Variants in MAPK8IP1 observed in about 807,000 individuals in gnomAD.
MAPK8IP1 encodes the protein mitogen-activated protein kinase 8 interacting protein 1.
Under a neutral mutation model 72.6 loss-of-function variants are expected in MAPK8IP1, and 17 were observed. The observed-to-expected ratio is 0.23, with a 90% CI of 0.16 to 0.35. The LOEUF (loss-of-function observed/expected upper bound fraction) is 0.35, where lower values mean the gene tolerates loss of function less well. Among genes scored for constraint, MAPK8IP1 ranks in the 10% least tolerant of loss-of-function variants. The probability of loss-of-function intolerance (pLI) is 1.00; values close to 1 mark genes in which losing one functional copy is unlikely to be tolerated. For missense variants in MAPK8IP1, 789 were observed against 1,009.7 expected, an observed-to-expected ratio of 0.78 and a Z score of 2.96; for synonymous variants, 401 against 443.4, an observed-to-expected ratio of 0.90 and a Z score of 1.20.
rs760747348 is a variant in MAPK8IP1, at chr11:45,904,784, G to A, written c.1843G>A (p.Val615Met). ...CTCCAGCTGTGTCCTGGAGATCAGC[G>A]TGCGGGGTGTGAAGATAGGCGTCAA... is the stretch of plus-strand genomic sequence containing the variant. ...PPSSCVLEIS[V>M]RGVKIGVKAD... Residue 615 changes from valine to methionine, a missense_variant, in exon 9 of 12, where the codon GTG becomes ATG. Physicochemically the swap from Val to Met is conservative, Grantham distance 21 (BLOSUM62 1). Around this residue, in one of 4 missense-constraint regions of MAPK8IP1, gnomAD observed 188 missense variants for 293.3 expected, o/e 0.64. Coordinates refer to ENST00000241014, the MANE Select transcript of MAPK8IP1 (RefSeq NM_005456.4). This position sits in a 1 kb window ranked among gnomAD's most constrained non-coding sequence, Gnocchi z 6.4. 56 of 1,613,936 alleles carry A rather than the reference G, an allele frequency of 3.5e-5. No homozygotes were observed. Among genetic ancestry groups the A allele is most frequent in the Admixed American group, 3.2e-4 (19 of 60,000 alleles).
At chr11:45,898,390 T>C (rs2086623878) in intron 2 of MAPK8IP1, among the ~76,000 whole-genome samples, 200 bp downstream of exon 2, 1 of 152,182 alleles carries the variant, frequency 6.6e-6, no homozygotes, top group Non-Finnish European at 1.5e-5. Context: ...ATTATTATTA[T>C]TATTACTGCT....
At chr11:45,894,885 G>A (rs35389927) in intron 1 of MAPK8IP1, among the ~76,000 whole-genome samples, 27,292 of 152,206 alleles carry the variant, frequency 0.18, 2,903 homozygotes, top group Non-Finnish European at 0.23. Context: ...GGCTGGCCCT[G>A]TCTGCTGCAC....
At position 45,900,142 on chromosome 11, in the gene MAPK8IP1, C is replaced by T; in HGVS notation, c.212C>T (p.Pro71Leu). The change falls in exon 3 of 12, where the codon CCG becomes CTG. Residue 71 changes from proline to leucine, a missense_variant. Physicochemically the swap from Pro to Leu is moderately conservative, Grantham distance 98 (BLOSUM62 -3). Transcript: ENST00000241014. This position sits in a 1 kb window ranked among gnomAD's most constrained non-coding sequence, Gnocchi z 6.5. ...QCKDTLSLRP[P>L]RAGLLSAGGG... ...GCCCCTCCGTGCGCTGTGCAGCCCCCGCGCGCCGGGCTGCTCTCTGCGGGC... is the reference window on the plus strand; with the variant it reads ...GCCCCTCCGTGCGCTGTGCAGCCCCTGCGCGCCGGGCTGCTCTCTGCGGGC... 1.6e-6 allele frequency: 2 copies of T among 1,277,192 alleles called. No individual in the cohort carries two copies. The highest frequency in any genetic ancestry group is 2.6e-5 in the South Asian group (1 of 38,390). The allele number at this position is 1,277,192 out of a possible 1,614,324, so 79.1% of individuals were successfully genotyped here. A position where few individuals can be genotyped will look rare whatever the true frequency, so the allele number is the denominator to read the frequency against.
rs552811406 is a variant in MAPK8IP1, at chr11:45,885,852, G to A, written c.32G>A (p.Gly11Glu). 3.4e-6 allele frequency: 5 copies of A among 1,450,154 alleles called. No homozygotes were observed. The highest frequency in any genetic ancestry group is 1.5e-5 in the African/African-American group (1 of 68,122). 89.8% of individuals were successfully genotyped at this position (1,450,154 alleles called of 1,614,324 possible). Residue 11 changes from glycine to glutamate, a missense_variant, in exon 1 of 12, where the codon GGG becomes GAG. Coordinates refer to ENST00000241014, the MANE Select transcript of MAPK8IP1 (RefSeq NM_005456.4). ...GAGCGAGAAAGCGGCGGCCTGGGAGGGGGGGCCGCGTCCCCGCCCGCCGCC... is the reference window on the plus strand; with the variant it reads ...GAGCGAGAAAGCGGCGGCCTGGGAGAGGGGGCCGCGTCCCCGCCCGCCGCC... MAERESGGLG[G>E]GAASPPAASP...
intron 1 of MAPK8IP1, among the ~76,000 whole-genome samples, chr11:45,889,162 A>G (rs1404904007): frequency 1.3e-5 from 2 of 152,212 alleles, no homozygotes; most frequent in Non-Finnish European, 2.9e-5. Context: ...ATTTTTTCTT[A>G]TATATCTTAT....
intron 1 of MAPK8IP1, among the ~76,000 whole-genome samples, chr11:45,892,201 C>T (rs1490980063): frequency 6.6e-6 from 1 of 152,076 alleles, no homozygotes; most frequent in African/African-American, 2.4e-5. Flanking sequence ...GAGCGAGGGC[C>T]TGAGAGGGAT....
chr11:45,893,744 C>T (rs867769263), intron 1 of MAPK8IP1, among the ~76,000 whole-genome samples: 17 of 152,250 alleles, frequency 1.1e-4, no homozygotes, highest in African/African-American at 3.9e-4. Context: ...GTGGATCAGG[C>T]GGGACAGGAG....
Position 45,900,204 on chromosome 11 carries a change from C to A in MAPK8IP1, c.274C>A (p.Leu92Met). The change falls in exon 3 of 12, where the codon CTG (leucine) becomes ATG (methionine). Residue 92 changes from leucine (L) to methionine (M), a missense_variant. Leu to Met is a conservative substitution (Grantham distance 15, BLOSUM62 2). Transcript: ENST00000241014. The surrounding 1 kb of genome is among the most constrained non-coding windows in gnomAD (Gnocchi z 6.5). Reference sequence around the variant, plus strand: ...GGGGAGCCGGTTGCAGGCCGAGATGCTGCAGATGGACCTGATCGACGCGAC... The same window carrying A: ...GGGGAGCCGGTTGCAGGCCGAGATGATGCAGATGGACCTGATCGACGCGAC... ...GAGSRLQAEMLQMDLIDATGD... is the reference protein window; with the variant it reads ...GAGSRLQAEMMQMDLIDATGD... The A allele has an allele frequency of 7.5e-7, 1 of 1,324,604 alleles. No homozygotes were observed. The highest frequency in any genetic ancestry group is 9.6e-7 in the Non-Finnish European group (1 of 1,044,842). The allele number at this position is 1,324,604 out of a possible 1,614,324, so 82.1% of individuals were successfully genotyped here.
chr11:45,886,114 A>C (rs1251852510), intron 1 of MAPK8IP1, among the ~76,000 whole-genome samples, 193 bp downstream of exon 1: 83 of 152,058 alleles, frequency 5.5e-4, no homozygotes, highest in Non-Finnish European at 4.4e-5. Context: ...TAGCCGTTGC[A>C]TGTTCACGAG....
Position 45,900,574 on chromosome 11 carries a change from G to T in MAPK8IP1, c.522+122G>T. ...AGTGCCTGGGGACAGCGCCTGCATAGGGGCCGCGGTGGCTCGCTCCCGGTG... is the reference window on the plus strand; with the variant it reads ...AGTGCCTGGGGACAGCGCCTGCATATGGGCCGCGGTGGCTCGCTCCCGGTG... On this transcript the variant is annotated intron_variant, in intron 3 of 11. Coordinates refer to ENST00000241014, the MANE Select transcript of MAPK8IP1 (RefSeq NM_005456.4). The surrounding 1 kb of genome is among the most constrained non-coding windows in gnomAD (Gnocchi z 6.5). 8.5e-7 allele frequency: 1 copy of T among 1,178,592 alleles called. No homozygotes were observed. Among genetic ancestry groups the T allele is most frequent in the East Asian group, 2.9e-5 (1 of 34,048 alleles). 73.0% of individuals were successfully genotyped at this position (1,178,592 alleles called of 1,614,324 possible). A position where few individuals can be genotyped will look rare whatever the true frequency, so the allele number is the denominator to read the frequency against.
At chr11:45,892,602 C>CT (rs2086575996) in intron 1 of MAPK8IP1, among the ~76,000 whole-genome samples, 1 of 152,166 alleles carries the variant, frequency 6.6e-6, no homozygotes, top group East Asian at 1.9e-4. Context: ...TCAGAGAAGG[C>CT]TTGCAGAGGA....
In MAPK8IP1 at chr11:45,902,317, A is replaced by C; in HGVS notation, c.605-55A>C. On this transcript the variant is annotated intron_variant, in intron 4 of 11. Transcript: ENST00000241014. The surrounding 1 kb of genome is among the most constrained non-coding windows in gnomAD (Gnocchi z 9.3). ...TCACCAAGCTGAGAGTGGCAGGTGC[A>C]GGTAGCTGGGAGTTGGGAGAGAGCC... is the stretch of plus-strand genomic sequence containing the variant. 7.2e-7 allele frequency: 1 copy of C among 1,388,804 alleles called. No individual in the cohort carries two copies. The highest frequency in any genetic ancestry group is 1.0e-6 in the Non-Finnish European group (1 of 1,001,694). The allele number at this position is 1,388,804 out of a possible 1,614,324, so 86.0% of individuals were successfully genotyped here. A position where few individuals can be genotyped will look rare whatever the true frequency, so the allele number is the denominator to read the frequency against.
rs1210506189 is a variant in MAPK8IP1 at position 45,904,703 on chromosome 11, A to G, written c.1777-15A>G. 4 of 1,613,272 alleles carry G rather than the reference A, an allele frequency of 2.5e-6. No individual in the cohort carries two copies. The highest frequency in any genetic ancestry group is 4.5e-5 in the East Asian group (2 of 44,868). On this transcript the variant is annotated splice_polypyrimidine_tract_variant and intron_variant, in intron 8 of 11. Transcript: ENST00000241014. This position sits in a 1 kb window ranked among gnomAD's most constrained non-coding sequence, Gnocchi z 6.4. Reference sequence around the variant, plus strand: ...AACAGACAGCAGCTGACGTGGCTCCATTTGTCACCTGTAGATTGCCACCAC... The same window carrying G: ...AACAGACAGCAGCTGACGTGGCTCCGTTTGTCACCTGTAGATTGCCACCAC...
chr11:45,904,556 A>G lies in MAPK8IP1; in HGVS notation c.1768A>G (p.Met590Val). 1 of 1,614,052 alleles carries G rather than the reference A, an allele frequency of 6.2e-7. No homozygotes were observed. Among genetic ancestry groups the G allele is most frequent in the Non-Finnish European group, 8.5e-7 (1 of 1,179,942 alleles). The change falls in exon 8 of 12, where the codon ATG (methionine) becomes GTG (valine). Residue 590 changes from methionine to valine, a missense_variant. Coordinates refer to ENST00000241014, the MANE Select transcript of MAPK8IP1 (RefSeq NM_005456.4). The surrounding 1 kb of genome is among the most constrained non-coding windows in gnomAD (Gnocchi z 6.4). ...GGGCAATGACGTCCTCTGTGCTGCT[A>G]TGCAAAAGGTACCTGAGCCCTCTCC... Reference protein sequence around the residue: ...HKGNDVLCAAMQKIATTRRLT... With the variant: ...HKGNDVLCAAVQKIATTRRLT...
intron 1 of MAPK8IP1, among the ~76,000 whole-genome samples, chr11:45,894,842 C>T (rs1030681984): frequency 6.6e-6 from 1 of 152,190 alleles, no homozygotes; most frequent in Non-Finnish European, 1.5e-5. Context: ...TTTGGAGCAG[C>T]CAGGGGGTGG....
intron 1 of MAPK8IP1, chr11:45,897,062 T>C: frequency 8.8e-7 from 1 of 1,139,896 alleles, no homozygotes; most frequent in Non-Finnish European, 1.3e-6. Flanking sequence ...GCCTCCTAGG[T>C]TCCCCTGGGG....
intron 11 of MAPK8IP1, 76 bp downstream of exon 11, chr11:45,905,325 C>T (rs2086698520): frequency 7.4e-7 from 1 of 1,343,152 alleles, no homozygotes; most frequent in East Asian, 2.4e-5. Flanking sequence ...CTTCCTGGCG[C>T]TCAGCTTTGC....
At chr11:45,899,462 G>T (rs899868175) in intron 2 of MAPK8IP1, among the ~76,000 whole-genome samples, 1 of 152,254 alleles carries the variant, frequency 6.6e-6, no homozygotes, top group African/African-American at 2.4e-5. Flanking sequence ...TGATGAGGGG[G>T]CCTGAAGGAT....
intron 1 of MAPK8IP1, among the ~76,000 whole-genome samples, chr11:45,886,190 C>T (rs891731017): frequency 6.6e-6 from 1 of 152,228 alleles, no homozygotes; most frequent in African/African-American, 2.4e-5. Flanking sequence ...GGAGGGGGCT[C>T]GGAGGCCTCC....
Sources: allele counts gnomAD v4.1 joint callset (sites outside exome capture counted in the v4.1 genomes callset), GRCh38; gene constraint gnomAD v4.1.1; regional missense constraint gnomAD v4.1.1; non-coding constraint Gnocchi (gnomAD v3.1); transcripts MANE v1.5; gene names NCBI Gene and HGNC (gene_info 2026-07-23, HGNC 2026-07-21).